CFAP47: variants seen among roughly 807,000 people sequenced by gnomAD.
The protein encoded by CFAP47 is cilia and flagella associated protein 47.
In CFAP47, 29 loss-of-function variants were observed where a neutral mutation model predicts 148.1. The ratio of observed to expected loss-of-function variants is 0.20; its 90% CI spans 0.15 to 0.27. The LOEUF (loss-of-function observed/expected upper bound fraction) is 0.27. Among genes scored for constraint, CFAP47 ranks in the 10% least tolerant of loss-of-function variants. The probability of loss-of-function intolerance (pLI) is 1.00; values close to 1 mark genes in which losing one functional copy is unlikely to be tolerated. For synonymous variants in CFAP47, 664 were observed against 577.3 expected (o/e 1.15, Z -2.15); for missense variants, 1,872 against 1,697.5 (o/e 1.10, Z -1.81).
rs147058388 is a variant in CFAP47, at chrX:35,985,615, G to A, written c.2714-3704G>A. Among the ~76,000 whole-genome samples the A allele has an allele frequency of 5.8e-3, 649 of 111,360 alleles. 7 individuals are homozygous for A. Among genetic ancestry groups the A allele is most frequent in the African/African-American group, 0.02 (622 of 30,628 alleles). ...ATAAGGGCCCCCAGGAAGCACCCTG[G>A]TTGGGCATCCAAGGCTGTGGTGCAA... On this transcript the variant is annotated intron_variant, in intron 15 of 63. Coordinates refer to ENST00000378653, the MANE Select transcript of CFAP47 (RefSeq NM_001304548.2).
At chrX:36,079,295 C>T (rs996471361) in intron 29 of CFAP47, among the ~76,000 whole-genome samples, 4 of 111,970 alleles carry the variant, frequency 3.6e-5, no homozygotes, top group East Asian at 2.8e-4. Context: ...CCATTCTCCC[C>T]GTCACTTTCA....
At chrX:35,944,968 A>G (rs1249214154) in intron 3 of CFAP47, among the ~76,000 whole-genome samples, 1 of 112,174 alleles carries the variant, frequency 8.9e-6, no homozygotes, top group Non-Finnish European at 1.9e-5. Context: ...TCTTGGGAAA[A>G]CAAAACAAAA....
At position 35,963,370 on chromosome X, in the gene CFAP47, T is replaced by G. The variant is rs576631718; in HGVS notation, c.1411-3195T>G. ...TACATCAAAATTACATATTAAATAC[T>G]ATATATTTACTATATATTTGTATAC... On this transcript the variant is annotated intron_variant, in intron 8 of 63. Transcript: ENST00000378653. 5.4e-5 allele frequency among the ~76,000 whole-genome samples: 6 copies of G among 111,524 alleles called. No individual in the cohort carries two copies. In the South Asian group the frequency reaches 1.8e-3, roughly 34 times the overall value.
intron 60 of CFAP47, among the ~76,000 whole-genome samples, chrX:36,355,922 T>A (rs1322673125): frequency 8.9e-6 from 1 of 112,063 alleles, no homozygotes; most frequent in African/African-American, 3.2e-5. Flanking sequence ...CATTTTAACA[T>A]GTTCTTGCTA....
intron 51 of CFAP47, among the ~76,000 whole-genome samples, chrX:36,287,611 T>C (rs1222202118): frequency 1.8e-5 from 2 of 111,510 alleles, no homozygotes; most frequent in South Asian, 3.8e-4. Flanking sequence ...ATAGTTTCCT[T>C]GTTACCATAG....
intron 15 of CFAP47, among the ~76,000 whole-genome samples, chrX:35,977,198 A>G (rs184978034): frequency 7.5e-4 from 84 of 111,906 alleles, no homozygotes; most frequent in African/African-American, 2.6e-3. Context: ...CCGAAGTCCA[A>G]TTTTGCATGA....
chrX:36,338,035 ATTTTTTTTTT>A (rs1209274928), intron 57 of CFAP47, among the ~76,000 whole-genome samples: 4 of 46,599 alleles, frequency 8.6e-5, no homozygotes, highest in Admixed American at 2.7e-4. Flanking sequence ...ACGCCTGGCT[ATTTTTTTTTT>A]TTTTTTTTTT....
chrX:36,178,987 A>G (rs1051469186), intron 39 of CFAP47, among the ~76,000 whole-genome samples: 6 of 112,476 alleles, frequency 5.3e-5, no homozygotes, highest in African/African-American at 1.9e-4. Context: ...TTTAGAAATT[A>G]TGAAACGTGT....
intron 6 of CFAP47, among the ~76,000 whole-genome samples, chrX:35,952,616 T>C (rs1936183809): frequency 8.9e-6 from 1 of 111,969 alleles, no homozygotes; most frequent in African/African-American, 3.2e-5. Context: ...GGGTAATGTT[T>C]AATGTACTTC....
At chrX:35,994,026 G>A (rs1936818026) in intron 18 of CFAP47, among the ~76,000 whole-genome samples, 1 of 111,375 alleles carries the variant, frequency 9.0e-6, no homozygotes, top group Non-Finnish European at 1.9e-5. Context: ...ACTTTGGGAG[G>A]CTGAGGCAGG....
intron 54 of CFAP47, among the ~76,000 whole-genome samples, chrX:36,305,286 T>C (rs1301371592): frequency 8.9e-6 from 1 of 111,811 alleles, no homozygotes; most frequent in East Asian, 2.8e-4. Context: ...TTCCATAAAT[T>C]ATATGAAGTC....
chrX:36,248,496 T>TCACACACA (rs60595897), intron 48 of CFAP47, among the ~76,000 whole-genome samples: 19,516 of 95,106 alleles, frequency 0.21, 1,896 homozygotes, highest in African/African-American at 0.3. Context: ...ACATATTATA[T>TCACACACA]CACACACACA....
chrX:36,233,941 G>T lies in CFAP47; in HGVS notation c.7015-1993G>T, dbSNP rs781784488. On this transcript the variant is annotated intron_variant, in intron 46 of 63. Coordinates refer to ENST00000378653, the MANE Select transcript of CFAP47 (RefSeq NM_001304548.2). ...TTTTCTTTAAGAATGTTGAATATTG[G>T]CCCCCACTCTCTTCTGGCTTGTAGA... Among the ~76,000 whole-genome samples, 372 of 110,972 alleles carry T rather than the reference G, an allele frequency of 3.4e-3. 1 individual carries two copies. The highest frequency in any genetic ancestry group is 9.2e-3 in the Middle Eastern group (2 of 218).
chrX:36,170,061 T>A (rs964687117), intron 39 of CFAP47, among the ~76,000 whole-genome samples: 4 of 111,593 alleles, frequency 3.6e-5, no homozygotes, highest in African/African-American at 1.3e-4. Context: ...GATGCAAGGC[T>A]GCTGCAGAGC....
At chrX:36,188,563 A>G (rs1555986015) in intron 40 of CFAP47, 57 bp from the exon 41 acceptor site, 1 of 294,079 alleles carries the variant, frequency 3.4e-6, no homozygotes. Flanking sequence ...AATATGAAGA[A>G]TTGTTTTTGA....
chrX:36,042,870 GGAA>G (rs1569240561), intron 25 of CFAP47, among the ~76,000 whole-genome samples: 1 of 111,382 alleles, frequency 9.0e-6, no homozygotes, highest in Non-Finnish European at 1.9e-5. Flanking sequence ...CTCCCCAAGA[GGAA>G]GAAGAATAAG....
chrX:36,104,656 A>T lies in CFAP47; in HGVS notation c.5285A>T (p.Asn1762Ile). The T allele has an allele frequency of 2.2e-6, 2 of 910,389 alleles. No individual in the cohort carries two copies. Among genetic ancestry groups the T allele is most frequent in the Non-Finnish European group, 3.1e-6 (2 of 638,842 alleles). The allele number at this position is 910,389 out of a possible 1,213,427, so 75.0% of individuals were successfully genotyped here. ...LLSWMNINYE[N>I]TRHVIWKNCH... ...AGTTGGATGAACATAAATTATGAGA[A>T]TACTCGACATGTGATATGGAAAAAC... Residue 1762 changes from asparagine to isoleucine, a missense_variant, in exon 33 of 64, where the codon AAT becomes ATT. Physicochemically the swap from Asn to Ile is moderately radical, Grantham distance 149 (BLOSUM62 -3). Transcript: ENST00000378653.
intron 57 of CFAP47, among the ~76,000 whole-genome samples, chrX:36,346,424 C>T (rs1259203165): frequency 9.0e-6 from 1 of 110,994 alleles, no homozygotes. Flanking sequence ...ATCCATTGGA[C>T]CACAAGAAAA....
At chrX:36,384,749 G>T in intron 63 of CFAP47, 48 bp from the exon 64 acceptor site, 1 of 946,045 alleles carries the variant, frequency 1.1e-6, no homozygotes, top group Middle Eastern at 2.6e-4. Flanking sequence ...TACATGTTTT[G>T]AAGTCCCTGG....
Sources: gnomAD v4.1 joint callset for allele counts (sites outside exome capture counted in the v4.1 genomes callset) on GRCh38, gnomAD v4.1.1 for gene constraint, MANE v1.5 for transcripts, NCBI Gene and HGNC (gene_info 2026-07-23, HGNC 2026-07-21) for gene names.